Variants in TMEM45A observed in about 807,000 individuals in gnomAD.
TMEM45A encodes the protein DNA polymerase-transactivated protein 4.
TMEM45A carries 25 observed loss-of-function variants against 32.0 expected under a neutral mutation model. The observed-to-expected ratio is 0.78, with a 90% confidence interval of 0.57 to 1.09. The LOEUF is 1.09. TMEM45A is among the 50% of genes least tolerant of loss of function. The pLI, the probability that TMEM45A is intolerant of heterozygous loss-of-function variation, is 0.00. For missense variants in TMEM45A, 302 were observed against 325.0 expected, an observed-to-expected ratio of 0.93 and a Z score of 0.54; for synonymous variants, 122 against 114.8, an observed-to-expected ratio of 1.06 and a Z score of -0.40.
At chr3:100,528,054 C>T (rs111281473) in intron 1 of TMEM45A, among the ~76,000 whole-genome samples, 74 of 152,318 alleles carry the variant, frequency 4.9e-4, no homozygotes, top group African/African-American at 1.8e-3. Context: ...CTATATGGAA[C>T]ATACTTGTGC....
intron 4 of TMEM45A, among the ~76,000 whole-genome samples, chr3:100,561,528 G>A (rs1265719998): frequency 6.6e-6 from 1 of 151,978 alleles, no homozygotes; most frequent in South Asian, 2.1e-4. Flanking sequence ...CAACTTATTA[G>A]CAATGCTTTC....
intron 1 of TMEM45A, among the ~76,000 whole-genome samples, chr3:100,523,699 C>A (rs977643116): frequency 8.2e-4 from 122 of 149,666 alleles, no homozygotes; most frequent in African/African-American, 2.8e-3. Context: ...CCTTCTCCTT[C>A]TCCTCCTCCT....
At chr3:100,521,795 C>T (rs1224564392) in intron 1 of TMEM45A, among the ~76,000 whole-genome samples, 2 of 152,242 alleles carry the variant, frequency 1.3e-5, no homozygotes, top group Admixed American at 6.5e-5. Flanking sequence ...GCCTCCTTGC[C>T]ACATTCAGCT....
Position 100,558,397 on chromosome 3 carries a change from C to G in TMEM45A, c.404-8C>G. 6.2e-7 allele frequency: 1 copy of G among 1,612,144 alleles called. No homozygotes were observed. The highest frequency in any genetic ancestry group is 8.5e-7 in the Non-Finnish European group (1 of 1,179,840). On this transcript the variant is annotated splice_region_variant and splice_polypyrimidine_tract_variant and intron_variant, in intron 3 of 5. Coordinates refer to ENST00000323523, the MANE Select transcript of TMEM45A (RefSeq NM_018004.3). ...ACTGAAAAAGACAATCTGTTTTTTC[C>G]CCATCAGCCTTTATCTTCTACAACC...
chr3:100,516,344 A>G (rs1708261313), intron 1 of TMEM45A, among the ~76,000 whole-genome samples: 1 of 152,192 alleles, frequency 6.6e-6, no homozygotes, highest in Non-Finnish European at 1.5e-5. Context: ...GGCTTCATAC[A>G]TAGTGACTTA....
At chr3:100,558,664 G>A (rs934323411) in intron 4 of TMEM45A, 75 bp downstream of exon 4, 2 of 1,489,992 alleles carry the variant, frequency 1.3e-6, no homozygotes, top group South Asian at 1.2e-5. Context: ...GAGGCAGTTT[G>A]CTCCCGGAGA....
chr3:100,501,104 G>T lies in TMEM45A; in HGVS notation c.-4+8176G>T, dbSNP rs79189360. On this transcript the variant is annotated intron_variant, in intron 1 of 5. Transcript: ENST00000323523. ...AAAATACGATATGCTTAAGGAAATT[G>T]ATGTTTAGAAAGGTAAACTGTACTA... 1.4e-4 allele frequency among the ~76,000 whole-genome samples: 21 copies of T among 152,306 alleles called. No homozygotes were observed. In the East Asian group the frequency reaches 3.9e-3, roughly 28 times the overall value.
At chr3:100,520,870 A>C (rs1289892892) in intron 1 of TMEM45A, among the ~76,000 whole-genome samples, 1 of 152,146 alleles carries the variant, frequency 6.6e-6, no homozygotes, top group Non-Finnish European at 1.5e-5. Context: ...GGAGCAAATA[A>C]GTCAATCACA....
chr3:100,558,981 T>C (rs1203936775), intron 4 of TMEM45A, among the ~76,000 whole-genome samples: 2 of 152,360 alleles, frequency 1.3e-5, no homozygotes, highest in Non-Finnish European at 2.9e-5. Flanking sequence ...CAAACTTTTA[T>C]ATATACATTG....
At chr3:100,505,803 A>T (rs1708071302) in intron 1 of TMEM45A, among the ~76,000 whole-genome samples, 1 of 152,226 alleles carries the variant, frequency 6.6e-6, no homozygotes, top group Admixed American at 6.5e-5. Flanking sequence ...AATAGGAGAC[A>T]AAAAGGCGTA....
At chr3:100,536,486 C>T (rs1045866770) in intron 1 of TMEM45A, among the ~76,000 whole-genome samples, 6 of 152,104 alleles carry the variant, frequency 3.9e-5, no homozygotes, top group African/African-American at 9.7e-5. Flanking sequence ...ATGTCCTGTC[C>T]GCAATGGCTA....
chr3:100,528,560 G>GT (rs1212808239), intron 1 of TMEM45A, among the ~76,000 whole-genome samples: 3 of 152,114 alleles, frequency 2.0e-5, no homozygotes, highest in African/African-American at 4.8e-5. Context: ...TGGACCCCTT[G>GT]TTTTTTTCTG....
intron 1 of TMEM45A, among the ~76,000 whole-genome samples, chr3:100,537,803 T>C (rs575816239): frequency 6.6e-6 from 1 of 152,228 alleles, no homozygotes; most frequent in Non-Finnish European, 1.5e-5. Flanking sequence ...GTGATGCAAG[T>C]GAATGTGTCA....
rs1491318490 is a variant in TMEM45A at position 100,519,386 on chromosome 3, CAT to C, written c.-4+26459_-4+26460del. ...CATACAGGTTGTGTGTGTGTGTGTG[CAT>C]GTGTGTGTGTGTGTGTGTGTGTAAA... On this transcript the variant is annotated intron_variant, in intron 1 of 5. Coordinates refer to ENST00000323523, the MANE Select transcript of TMEM45A (RefSeq NM_018004.3). 3.0e-5 allele frequency: 15 copies of C among 502,106 alleles called. No homozygotes were observed. The African/African-American group carries it at 3.1e-4, about 10-fold the overall frequency. 31.1% of individuals were successfully genotyped at this position (502,106 alleles called of 1,614,324 possible).
intron 1 of TMEM45A, among the ~76,000 whole-genome samples, chr3:100,499,747 T>C (rs1215842276): frequency 1.3e-5 from 2 of 152,078 alleles, no homozygotes; most frequent in Non-Finnish European, 2.9e-5. Context: ...TGTGGTGGCA[T>C]GTGCCTGTAA....
At chr3:100,519,617 G>T (rs1483860142) in intron 1 of TMEM45A, 3 of 1,550,740 alleles carry the variant, frequency 1.9e-6, no homozygotes, top group Admixed American at 3.9e-5. Context: ...AGGTTAGTTT[G>T]GCGTTTCTGC....
intron 1 of TMEM45A, among the ~76,000 whole-genome samples, chr3:100,528,775 A>G (rs1158998343): frequency 6.6e-6 from 1 of 152,186 alleles, no homozygotes; most frequent in African/African-American, 2.4e-5. Context: ...TAATTTATAA[A>G]TGAAATATCC....
At chr3:100,557,099 A>G in intron 3 of TMEM45A, 127 bp downstream of exon 3, 1 of 1,096,148 alleles carries the variant, frequency 9.1e-7, no homozygotes. Flanking sequence ...CTGGGCCATA[A>G]TGAAATATTT....
chr3:100,502,144 A>AC (rs1029267800), intron 1 of TMEM45A, among the ~76,000 whole-genome samples: 1 of 151,776 alleles, frequency 6.6e-6, no homozygotes, highest in African/African-American at 2.4e-5. Context: ...TTATATAACT[A>AC]CCCTCACACT....
Sources: gnomAD v4.1 joint callset for allele counts (sites outside exome capture counted in the v4.1 genomes callset) on GRCh38, gnomAD v4.1.1 for gene constraint, MANE v1.5 for transcripts, NCBI Gene and HGNC (gene_info 2026-07-23, HGNC 2026-07-21) for gene names.